Variants in BNC2 observed in about 807,000 individuals in gnomAD.
BNC2 encodes the protein zinc finger protein basonuclin-2.
In BNC2, 20 loss-of-function variants were observed where a neutral mutation model predicts 76.3. The ratio of observed to expected loss-of-function variants is 0.26; its 90% CI spans 0.18 to 0.38. The LOEUF is 0.38. Ranked by LOEUF, BNC2 falls within the 10% of genes least tolerant of loss-of-function variation. The probability of loss-of-function intolerance (pLI) is 1.00; values close to 1 mark genes in which losing one functional copy is unlikely to be tolerated. For synonymous variants in BNC2, 582 were observed against 514.8 expected (o/e 1.13, Z -1.77); for missense variants, 1,382 against 1,399.8 (o/e 0.99, Z 0.20).
intron 5 of BNC2, among the ~76,000 whole-genome samples, chr9:16,485,811 A>G (rs1822152965): frequency 6.6e-6 from 1 of 152,208 alleles, no homozygotes; most frequent in Non-Finnish European, 1.5e-5. Flanking sequence ...CCTGTCTCAA[A>G]AAGAAAAGAG....
intron 4 of BNC2, among the ~76,000 whole-genome samples, chr9:16,580,323 T>C (rs1030823170): frequency 6.6e-6 from 1 of 152,188 alleles, no homozygotes; most frequent in Non-Finnish European, 1.5e-5. Flanking sequence ...TTTTGAGCTG[T>C]ATACAGATAT....
chr9:16,815,068 A>G (rs1013945446), intron 1 of BNC2, among the ~76,000 whole-genome samples: 2 of 152,186 alleles, frequency 1.3e-5, no homozygotes, highest in Non-Finnish European at 1.5e-5. Context: ...AATGATATAT[A>G]ATCAGCAAGA....
At chr9:16,667,772 A>G (rs1014753124) in intron 3 of BNC2, among the ~76,000 whole-genome samples, 1 of 152,194 alleles carries the variant, frequency 6.6e-6, no homozygotes, top group Non-Finnish European at 1.5e-5. Context: ...AGGACCTACT[A>G]TGTATGGGGC....
chr9:16,754,376 T>C (rs1825314222), intron 1 of BNC2, among the ~76,000 whole-genome samples: 1 of 152,126 alleles, frequency 6.6e-6, no homozygotes, highest in Non-Finnish European at 1.5e-5. Context: ...TGAGTCTGAT[T>C]CAGAAAAGTT....
intron 3 of BNC2, among the ~76,000 whole-genome samples, chr9:16,672,115 G>A (rs1302620642): frequency 6.6e-6 from 1 of 152,194 alleles, no homozygotes; most frequent in Non-Finnish European, 1.5e-5. Flanking sequence ...AATCACAGGT[G>A]AAACAGGGAG....
chr9:16,646,514 C>G (rs1172147172), intron 3 of BNC2, among the ~76,000 whole-genome samples: 1 of 151,980 alleles, frequency 6.6e-6, no homozygotes, highest in Non-Finnish European at 1.5e-5. Context: ...ACTGTATGAT[C>G]CAATTTATAT....
At chr9:16,729,831 C>G (rs531984690) in intron 2 of BNC2, among the ~76,000 whole-genome samples, 16 of 152,242 alleles carry the variant, frequency 1.1e-4, no homozygotes, top group African/African-American at 3.9e-4. Context: ...CTCAGTCAAG[C>G]TGCCTGCTCA....
At chr9:16,642,397 C>A (rs999774709) in intron 3 of BNC2, among the ~76,000 whole-genome samples, 7 of 152,198 alleles carry the variant, frequency 4.6e-5, no homozygotes, top group African/African-American at 1.7e-4. Context: ...GCTACTCACC[C>A]TGGACTCTTC....
intron 3 of BNC2, among the ~76,000 whole-genome samples, chr9:16,632,864 A>C (rs1474393818): frequency 2.0e-5 from 3 of 152,172 alleles, no homozygotes; most frequent in African/African-American, 7.2e-5. Flanking sequence ...AATAATTCCT[A>C]AAGCAATACT....
At chr9:16,490,260 A>C (rs139953262) in intron 5 of BNC2, among the ~76,000 whole-genome samples, 1 of 152,168 alleles carries the variant, frequency 6.6e-6, no homozygotes, top group Non-Finnish European at 1.5e-5. Context: ...AGGCACTTCT[A>C]ACATGGCAGC....
chr9:16,614,975 A>AGCC (rs1221670168), intron 3 of BNC2, among the ~76,000 whole-genome samples: 1 of 2,924 alleles, frequency 3.4e-4, no homozygotes, highest in African/African-American at 4.5e-4. Flanking sequence ...AAAAAAAAAA[A>AGCC]AAAAAAAAAA....
intron 3 of BNC2, among the ~76,000 whole-genome samples, chr9:16,712,153 G>C (rs1467054065): frequency 6.6e-6 from 1 of 152,168 alleles, no homozygotes; most frequent in Non-Finnish European, 1.5e-5. Context: ...GTTTACACAC[G>C]CAAAACACAA....
chr9:16,671,526 G>A (rs189851329), intron 3 of BNC2, among the ~76,000 whole-genome samples: 1 of 152,112 alleles, frequency 6.6e-6, no homozygotes, highest in Non-Finnish European at 1.5e-5. Context: ...ACCACGAGGG[G>A]TTCTGTTTGA....
At position 16,436,520 on chromosome 9, in the gene BNC2, T is replaced by C. The variant is rs760129334; in HGVS notation, c.1674A>G (p.Leu558=). The C allele has an allele frequency of 6.2e-7, 1 of 1,614,102 alleles. No individual in the cohort carries two copies. Among genetic ancestry groups the C allele is most frequent in the South Asian group, 1.1e-5 (1 of 91,072 alleles). ...PVLQNPLPSQ[L]VFSGLKTVQP... is the part of the protein sequence containing the mutation. ...GTACAGTCTTTAGCCCAGAAAATACTAGCTGGCTAGGGAGAGGATTTTGCA... is the reference window on the plus strand; with the variant it reads ...GTACAGTCTTTAGCCCAGAAAATACCAGCTGGCTAGGGAGAGGATTTTGCA... Residue 558 remains leucine (L), a synonymous_variant, in exon 6 of 7, where the codon CTA becomes CTG. Coordinates refer to ENST00000380672, the MANE Select transcript of BNC2 (RefSeq NM_017637.6).
chr9:16,798,726 T>G (rs779303899), intron 1 of BNC2, among the ~76,000 whole-genome samples: 8 of 152,166 alleles, frequency 5.3e-5, no homozygotes, highest in Non-Finnish European at 1.2e-4. Flanking sequence ...AATACTGAAA[T>G]TATTCCCCTA....
intron 1 of BNC2, among the ~76,000 whole-genome samples, chr9:16,842,368 T>C (rs1818854105): frequency 6.6e-6 from 1 of 152,200 alleles, no homozygotes; most frequent in African/African-American, 2.4e-5. Context: ...ATTACACAGA[T>C]ACCATGCTAG....
At chr9:16,593,072 TAAA>T (rs1280862618) in intron 3 of BNC2, among the ~76,000 whole-genome samples, 3 of 151,784 alleles carry the variant, frequency 2.0e-5, no homozygotes, top group Non-Finnish European at 4.4e-5. Context: ...ATCAAAGTAT[TAAA>T]AAAATTCTAA....
At chr9:16,554,889 T>G (rs139956467) in intron 4 of BNC2, among the ~76,000 whole-genome samples, 4 of 152,346 alleles carry the variant, frequency 2.6e-5, no homozygotes, top group East Asian at 3.9e-4. Flanking sequence ...ATCCTGATTT[T>G]TGTGTGTGTA....
chr9:16,815,726 T>C (rs949058922), intron 1 of BNC2, among the ~76,000 whole-genome samples: 1 of 152,230 alleles, frequency 6.6e-6, no homozygotes, highest in Non-Finnish European at 1.5e-5. Context: ...AGATTTGTAC[T>C]ACTATTTATT....
Sources: gnomAD v4.1 joint callset for allele counts (sites outside exome capture counted in the v4.1 genomes callset) on GRCh38, gnomAD v4.1.1 for gene constraint, MANE v1.5 for transcripts, NCBI Gene and HGNC (gene_info 2026-07-23, HGNC 2026-07-21) for gene names.